PDE1C: variants seen among roughly 807,000 people sequenced by gnomAD.
The protein encoded by PDE1C is dual specificity calcium/calmodulin-dependent 3',5'-cyclic nucleotide phosphodiesterase 1C.
In PDE1C, 62 loss-of-function variants were observed where a neutral mutation model predicts 93.1. The observed-to-expected ratio is 0.67, with a 90% CI of 0.54 to 0.82. The LOEUF (loss-of-function observed/expected upper bound fraction) is 0.82, where lower values mean the gene tolerates loss of function less well. PDE1C is among the 40% of genes least tolerant of loss of function. The pLI, the probability that PDE1C is intolerant of heterozygous loss-of-function variation, is 0.00. For synonymous variants in PDE1C, 325 were observed against 310.1 expected (o/e 1.05, Z -0.50); for missense variants, 742 against 884.6 (o/e 0.84, Z 2.04).
At chr7:32,067,906 CAGTG>C (rs1162540076) in intron 1 of PDE1C, among the ~76,000 whole-genome samples, 2 of 152,152 alleles carry the variant, frequency 1.3e-5, no homozygotes, top group Admixed American at 6.6e-5. Context: ...CTAGGTATTG[CAGTG>C]AGTAAGTATG....
chr7:31,762,906 A>G (rs961106033), intron 17 of PDE1C, among the ~76,000 whole-genome samples: 3 of 152,158 alleles, frequency 2.0e-5, no homozygotes, highest in African/African-American at 4.8e-5. Context: ...CAGATAAACC[A>G]TGTAGTTTTG....
chr7:32,390,974 C>CAAAAA (rs1186515503), intron 1 of PDE1C, among the ~76,000 whole-genome samples: 1 of 151,904 alleles, frequency 6.6e-6, no homozygotes, highest in Non-Finnish European at 1.5e-5. Flanking sequence ...AACATAAGAA[C>CAAAAA]AAAAAAGACA....
chr7:32,032,171 C>T (rs528260260), intron 2 of PDE1C, among the ~76,000 whole-genome samples: 2 of 152,238 alleles, frequency 1.3e-5, no homozygotes, highest in African/African-American at 4.8e-5. Context: ...TCTAGAAACC[C>T]AGGATGCCAC....
intron 3 of PDE1C, among the ~76,000 whole-genome samples, chr7:32,149,456 A>G (rs927933703): frequency 1.3e-5 from 2 of 152,204 alleles, no homozygotes; most frequent in Admixed American, 6.5e-5. Context: ...ACTCTATCCC[A>G]AGAAAATTAT....
intron 2 of PDE1C, among the ~76,000 whole-genome samples, chr7:31,961,424 A>C (rs1808947804): frequency 6.6e-6 from 1 of 152,118 alleles, no homozygotes; most frequent in Admixed American, 6.6e-5. Context: ...AAAAGGAATG[A>C]AGTGAGTCTA....
At chr7:32,373,622 T>C (rs946651638) in intron 1 of PDE1C, among the ~76,000 whole-genome samples, 1 of 152,210 alleles carries the variant, frequency 6.6e-6, no homozygotes, top group East Asian at 1.9e-4. Flanking sequence ...AATTGTATGA[T>C]ATGGTATGTG....
chr7:31,803,154 A>G (rs1262246004), intron 16 of PDE1C, among the ~76,000 whole-genome samples: 9 of 151,630 alleles, frequency 5.9e-5, no homozygotes, highest in Non-Finnish European at 1.2e-4. Context: ...GTCTAATTCC[A>G]TCCAGTGTAC....
chr7:32,120,434 A>C (rs531217857), intron 3 of PDE1C, among the ~76,000 whole-genome samples: 9 of 152,192 alleles, frequency 5.9e-5, no homozygotes, highest in South Asian at 4.1e-4. Context: ...ATGCCACCCA[A>C]CTGGTATAGC....
At chr7:32,251,783 T>G (rs534507200) in intron 1 of PDE1C, among the ~76,000 whole-genome samples, 1 of 152,376 alleles carries the variant, frequency 6.6e-6, no homozygotes, top group South Asian at 2.1e-4. Context: ...CTTAAACCTT[T>G]GTAGCTCCCC....
intron 2 of PDE1C, among the ~76,000 whole-genome samples, chr7:32,192,514 A>G (rs548251415): frequency 1.4e-4 from 22 of 152,122 alleles, no homozygotes; most frequent in African/African-American, 5.1e-4. Flanking sequence ...TTGTGGATTC[A>G]TTTCTGGGTT....
At chr7:31,807,325 C>T (rs370462723) in intron 16 of PDE1C, among the ~76,000 whole-genome samples, 12 of 151,776 alleles carry the variant, frequency 7.9e-5, no homozygotes, top group African/African-American at 2.7e-4. Flanking sequence ...CCCATGAGAT[C>T]CAGAATCCTG....
chr7:32,047,930 A>G (rs939871476), intron 2 of PDE1C, among the ~76,000 whole-genome samples: 22 of 152,186 alleles, frequency 1.4e-4, no homozygotes, highest in African/African-American at 5.3e-4. Context: ...ACTCCAGCCA[A>G]ATAACTGCAG....
the PDE1C span, among the ~76,000 whole-genome samples, chr7:31,660,408 T>C: frequency 6.6e-6 from 1 of 152,192 alleles, no homozygotes; most frequent in Non-Finnish European, 1.5e-5. Context: ...ACATTCCCTT[T>C]ATAAAGATAC....
At chr7:31,722,541 G>A in the PDE1C span, among the ~76,000 whole-genome samples, 3 of 152,156 alleles carry the variant, frequency 2.0e-5, no homozygotes, top group Non-Finnish European at 2.9e-5. Context: ...CTGGGGCTAT[G>A]AGAGCTTATA....
At chr7:32,312,476 A>G (rs998111084) in intron 1 of PDE1C, among the ~76,000 whole-genome samples, 14 of 152,324 alleles carry the variant, frequency 9.2e-5, no homozygotes, top group East Asian at 5.8e-4. Flanking sequence ...GAACAAAGCC[A>G]GAGGCATCAC....
At chr7:31,692,523 G>A in the PDE1C span, 2 of 1,594,012 alleles carry the variant, frequency 1.3e-6, no homozygotes, top group Non-Finnish European at 1.7e-6. Context: ...CAGCCACTTA[G>A]GTAAACAAAT....
At chr7:31,824,325 C>A (rs1276795303) in intron 13 of PDE1C, among the ~76,000 whole-genome samples, 2 of 152,038 alleles carry the variant, frequency 1.3e-5, no homozygotes, top group African/African-American at 2.4e-5. Flanking sequence ...GTATTATAAT[C>A]CACGTTTTCT....
intron 1 of PDE1C, among the ~76,000 whole-genome samples, chr7:32,400,450 A>G (rs1230025710): frequency 6.6e-6 from 1 of 152,252 alleles, no homozygotes; most frequent in Non-Finnish European, 1.5e-5. Context: ...GTCTGTGGTC[A>G]GACGGAAAAT....
chr7:31,730,427 C>A, the PDE1C span, among the ~76,000 whole-genome samples: 2 of 152,160 alleles, frequency 1.3e-5, no homozygotes, highest in Non-Finnish European at 2.9e-5. Context: ...GTCATCCCAG[C>A]CACCCTTCCA....
Sources: allele counts gnomAD v4.1 joint callset (sites outside exome capture counted in the v4.1 genomes callset), GRCh38; gene constraint gnomAD v4.1.1; transcripts MANE v1.5; gene names NCBI Gene and HGNC (gene_info 2026-07-23, HGNC 2026-07-21).